LRMDA: variants seen among roughly 807,000 people sequenced by gnomAD.
The protein encoded by LRMDA is leucine rich melanocyte differentiation associated.
Under a neutral mutation model 29.8 loss-of-function variants are expected in LRMDA, and 18 were observed. That is an observed-to-expected ratio of 0.60 (90% confidence interval 0.42 to 0.90). LRMDA has a LOEUF of 0.90. Among genes scored for constraint, LRMDA ranks in the 40% least tolerant of loss-of-function variants. The probability of loss-of-function intolerance (pLI) is 0.00; values close to 1 mark genes in which losing one functional copy is unlikely to be tolerated. For synonymous variants in LRMDA, 125 were observed against 109.4 expected (o/e 1.14, Z -0.89); for missense variants, 273 against 273.9 (o/e 1.00, Z 0.02).
At chr10:76,209,602 T>G (rs1170371141) in intron 5 of LRMDA, among the ~76,000 whole-genome samples, 1 of 152,238 alleles carries the variant, frequency 6.6e-6, no homozygotes, top group East Asian at 1.9e-4. Flanking sequence ...CTTTGAGTTA[T>G]CTCTCCTTCA....
At chr10:75,595,832 G>T (rs1235053041) in intron 2 of LRMDA, among the ~76,000 whole-genome samples, 1 of 151,366 alleles carries the variant, frequency 6.6e-6, no homozygotes, top group East Asian at 2.0e-4. Flanking sequence ...CAGCTACATT[G>T]ATCTCTGATC....
chr10:76,054,677 G>A (rs184905487), intron 4 of LRMDA, among the ~76,000 whole-genome samples: 5 of 151,574 alleles, frequency 3.3e-5, no homozygotes. Context: ...TATTGTTTCT[G>A]TCTGTACATG....
At chr10:75,978,486 C>A (rs1339896589) in intron 2 of LRMDA, among the ~76,000 whole-genome samples, 1 of 152,076 alleles carries the variant, frequency 6.6e-6, no homozygotes, top group Non-Finnish European at 1.5e-5. Flanking sequence ...ATCTCATTGG[C>A]CAGAGTTTAG....
chr10:75,644,083 G>A (rs902055018), intron 2 of LRMDA, among the ~76,000 whole-genome samples: 1 of 152,184 alleles, frequency 6.6e-6, no homozygotes, highest in Non-Finnish European at 1.5e-5. Context: ...TGGAGATCTG[G>A]GAGGTGATTA....
rs558470972 is a variant in LRMDA, at chr10:75,588,792, T to C, written c.131+150298T>C. Among the ~76,000 whole-genome samples the C allele has an allele frequency of 7.9e-5, 12 of 152,310 alleles. No individual in the cohort carries two copies. In the East Asian group the frequency reaches 1.9e-3, roughly 24 times the overall value. ...GTTTCTTTTGTATTTTTTCAGAGTTTCTAAAATTTTATATGTATAAGCAAG... is the reference window on the plus strand; with the variant it reads ...GTTTCTTTTGTATTTTTTCAGAGTTCCTAAAATTTTATATGTATAAGCAAG... On this transcript the variant is annotated intron_variant, in intron 2 of 6. Transcript: ENST00000611255.
intron 2 of LRMDA, among the ~76,000 whole-genome samples, chr10:75,563,193 A>C (rs1840322677): frequency 6.6e-6 from 1 of 151,918 alleles, no homozygotes; most frequent in Non-Finnish European, 1.5e-5. Flanking sequence ...TGGTCTTTTC[A>C]CATAGTCCCA....
chr10:75,847,551 CAG>C (rs1844660785), intron 2 of LRMDA, among the ~76,000 whole-genome samples: 1 of 152,068 alleles, frequency 6.6e-6, no homozygotes, highest in Non-Finnish European at 1.5e-5. Flanking sequence ...GAACAATTAA[CAG>C]AACAAAATGG....
chr10:76,552,474 A>T (rs1843508155), intron 6 of LRMDA, among the ~76,000 whole-genome samples: 1 of 152,206 alleles, frequency 6.6e-6, no homozygotes, highest in African/African-American at 2.4e-5. Flanking sequence ...CTTAGTCCAA[A>T]TCAATTTTTT....
At chr10:75,688,687 A>G (rs1327237457) in intron 2 of LRMDA, among the ~76,000 whole-genome samples, 4 of 152,236 alleles carry the variant, frequency 2.6e-5, no homozygotes, top group South Asian at 4.1e-4. Flanking sequence ...GTGAAATACT[A>G]TCAAACGGCA....
intron 2 of LRMDA, among the ~76,000 whole-genome samples, chr10:75,456,172 C>T (rs1345886660): frequency 6.6e-6 from 1 of 152,212 alleles, no homozygotes; most frequent in Non-Finnish European, 1.5e-5. Flanking sequence ...CAAGCCACCT[C>T]CAGCGGGTGG....
intron 2 of LRMDA, among the ~76,000 whole-genome samples, chr10:75,790,990 A>G (rs1420563991): frequency 6.6e-6 from 1 of 152,202 alleles, no homozygotes; most frequent in Non-Finnish European, 1.5e-5. Flanking sequence ...TCTTGCAGTT[A>G]ATGTAACAGG....
intron 5 of LRMDA, among the ~76,000 whole-genome samples, chr10:76,222,462 C>T (rs1474755486): frequency 5.9e-5 from 9 of 152,022 alleles, no homozygotes; most frequent in East Asian, 5.8e-4. Context: ...GGGTGAAGGA[C>T]ATGAACAGAC....
intron 6 of LRMDA, among the ~76,000 whole-genome samples, chr10:76,552,164 C>G (rs1843503896): frequency 6.6e-6 from 1 of 152,222 alleles, no homozygotes; most frequent in Non-Finnish European, 1.5e-5. Flanking sequence ...ACTCCAATGT[C>G]AAATGCATTT....
chr10:76,222,285 A>C (rs931750965), intron 5 of LRMDA, among the ~76,000 whole-genome samples: 19 of 152,306 alleles, frequency 1.2e-4, no homozygotes, highest in Non-Finnish European at 2.5e-4. Flanking sequence ...TAATTAAACT[A>C]AAGAGCTTCT....
chr10:76,359,104 A>G (rs1041703213), intron 6 of LRMDA, among the ~76,000 whole-genome samples: 5 of 152,178 alleles, frequency 3.3e-5, no homozygotes, highest in African/African-American at 1.2e-4. Flanking sequence ...CAGGTCACCC[A>G]TGGAGCTAGG....
At chr10:76,263,046 T>A (rs1839962427) in intron 5 of LRMDA, among the ~76,000 whole-genome samples, 1 of 152,218 alleles carries the variant, frequency 6.6e-6, no homozygotes, top group African/African-American at 2.4e-5. Flanking sequence ...GGGAAAGTCT[T>A]CTTTATAGTT....
chr10:75,866,017 G>C (rs1470916644), intron 2 of LRMDA, among the ~76,000 whole-genome samples: 1 of 152,168 alleles, frequency 6.6e-6, no homozygotes, highest in African/African-American at 2.4e-5. Context: ...TTTTAACAGA[G>C]CTCTGCAAAT....
intron 2 of LRMDA, among the ~76,000 whole-genome samples, chr10:75,614,731 A>G (rs1021449070): frequency 6.6e-6 from 1 of 151,664 alleles, no homozygotes; most frequent in African/African-American, 2.4e-5. Flanking sequence ...TGTGTTACTC[A>G]TGATGCACTG....
chr10:75,897,944 C>T (rs1309922738), intron 2 of LRMDA, among the ~76,000 whole-genome samples: 3 of 150,650 alleles, frequency 2.0e-5, no homozygotes, highest in South Asian at 2.1e-4. Context: ...GCCCCAGTCT[C>T]CTGAGTAGCT....
Sources: allele counts gnomAD v4.1 joint callset (sites outside exome capture counted in the v4.1 genomes callset), GRCh38; gene constraint gnomAD v4.1.1; transcripts MANE v1.5; gene names NCBI Gene and HGNC (gene_info 2026-07-23, HGNC 2026-07-21).